Variants in MSRA observed in about 807,000 individuals in gnomAD.
The protein encoded by MSRA is methionine sulfoxide reductase A.
In MSRA, 54 loss-of-function variants were observed where a neutral mutation model predicts 31.3. The ratio of observed to expected loss-of-function variants is 1.73; its 90% CI spans 1.39 to 2.17. The LOEUF (loss-of-function observed/expected upper bound fraction) is 2.17. Ranked by LOEUF, MSRA falls within the 30% of genes most tolerant of loss-of-function variation. MSRA has a pLI of 0.00. For synonymous variants in MSRA, 169 were observed against 116.5 expected, an observed-to-expected ratio of 1.45 and a Z score of -2.90; for missense variants, 507 against 300.9, an observed-to-expected ratio of 1.69 and a Z score of -5.07.
chr8:10,327,881 T>C (rs1344577072), intron 5 of MSRA, among the ~76,000 whole-genome samples: 1 of 151,968 alleles, frequency 6.6e-6, no homozygotes, highest in Non-Finnish European at 1.5e-5. Context: ...TGCAGTGAGC[T>C]GAGATTGCGC....
At chr8:10,419,028 C>A (rs866414420) in intron 5 of MSRA, among the ~76,000 whole-genome samples, 2 of 152,134 alleles carry the variant, frequency 1.3e-5, no homozygotes, top group Non-Finnish European at 1.5e-5. Flanking sequence ...TACATACATA[C>A]GGCATCCTTG....
chr8:10,254,710 A>C (rs1798088284), intron 3 of MSRA, among the ~76,000 whole-genome samples: 1 of 152,242 alleles, frequency 6.6e-6, no homozygotes, highest in Admixed American at 6.5e-5. Flanking sequence ...ATTGAAAATA[A>C]AACAGGGTTT....
At chr8:10,218,184 T>C (rs1170984880) in intron 2 of MSRA, among the ~76,000 whole-genome samples, 1 of 151,762 alleles carries the variant, frequency 6.6e-6, no homozygotes, top group Non-Finnish European at 1.5e-5. Flanking sequence ...TCTCACTCTG[T>C]TGCCGAGGCT....
rs148977871 is a variant in MSRA, at chr8:10,397,717, C to G, written c.544-30431C>G. On this transcript the variant is annotated intron_variant, in intron 5 of 5. Transcript: ENST00000317173. ...ATTCATGCTCTCATGCTCTCAAATT[C>G]CATGTAAAAATATTTTGCGTGGAAC... is the stretch of plus-strand genomic sequence containing the variant. Among the ~76,000 whole-genome samples the G allele has an allele frequency of 5.0e-4, 76 of 152,314 alleles. 1 individual carries two copies. Among genetic ancestry groups the G allele is most frequent in the African/African-American group, 1.7e-3 (72 of 41,562 alleles).
At chr8:10,393,261 C>T (rs1322697174) in intron 5 of MSRA, among the ~76,000 whole-genome samples, 4 of 152,056 alleles carry the variant, frequency 2.6e-5, no homozygotes, top group Non-Finnish European at 5.9e-5. Context: ...GGATGCGGTG[C>T]CAGGGGGTTT....
chr8:10,150,685 A>G (rs1405747343), intron 1 of MSRA, among the ~76,000 whole-genome samples: 1 of 152,076 alleles, frequency 6.6e-6, no homozygotes, highest in Non-Finnish European at 1.5e-5. Flanking sequence ...CTGACTCGGT[A>G]ATTTGACTTA....
At chr8:10,170,170 G>A (rs1805476027) in intron 1 of MSRA, among the ~76,000 whole-genome samples, 2 of 151,330 alleles carry the variant, frequency 1.3e-5, no homozygotes, top group African/African-American at 4.9e-5. Flanking sequence ...ACAGACGTGA[G>A]CCACTGTGCC....
intron 3 of MSRA, among the ~76,000 whole-genome samples, chr8:10,247,937 C>A: frequency 6.6e-6 from 1 of 151,866 alleles, no homozygotes. Context: ...ATTATGGTAA[C>A]TAGCTAATTA....
chr8:10,159,293 T>C (rs1804437809), intron 1 of MSRA, among the ~76,000 whole-genome samples: 1 of 152,132 alleles, frequency 6.6e-6, no homozygotes, highest in South Asian at 2.1e-4. Flanking sequence ...GGGTGGGTAG[T>C]GGAGAGTGGT....
intron 2 of MSRA, among the ~76,000 whole-genome samples, chr8:10,240,615 T>G (rs1323379157): frequency 6.6e-6 from 1 of 152,208 alleles, no homozygotes; most frequent in African/African-American, 2.4e-5. Context: ...AGTCTTTGTG[T>G]TTCTGGCCTC....
chr8:10,151,101 A>AGG (rs1803624997), intron 1 of MSRA, among the ~76,000 whole-genome samples: 1 of 151,414 alleles, frequency 6.6e-6, no homozygotes, highest in South Asian at 2.1e-4. Flanking sequence ...AGGTTAGGGG[A>AGG]GGGAGGATCC....
chr8:10,098,947 GT>G (rs1357364940), intron 1 of MSRA, among the ~76,000 whole-genome samples: 1 of 152,126 alleles, frequency 6.6e-6, no homozygotes, highest in Non-Finnish European at 1.5e-5. Context: ...TCTTTCCTTT[GT>G]TTTCTGTTGT....
intron 5 of MSRA, among the ~76,000 whole-genome samples, chr8:10,323,786 CTGTCTGCA>C (rs1299814633): frequency 4.5e-5 from 4 of 87,964 alleles, no homozygotes; most frequent in Non-Finnish European, 8.0e-5. Context: ...CTGTGTCTGT[CTGTCTGCA>C]TGTCTGCATG....
chr8:10,152,890 G>A (rs1447353829), intron 1 of MSRA, among the ~76,000 whole-genome samples: 2 of 152,172 alleles, frequency 1.3e-5, no homozygotes, highest in East Asian at 3.8e-4. Flanking sequence ...GATGCTATGA[G>A]AAATCAGCCA....
At chr8:10,122,631 C>G (rs1038269524) in intron 1 of MSRA, among the ~76,000 whole-genome samples, 1 of 151,766 alleles carries the variant, frequency 6.6e-6, no homozygotes, top group Non-Finnish European at 1.5e-5. Context: ...TTTTGTCACC[C>G]GGATACCAAG....
At chr8:10,368,890 A>G (rs1805317885) in intron 5 of MSRA, among the ~76,000 whole-genome samples, 1 of 152,142 alleles carries the variant, frequency 6.6e-6, no homozygotes, top group Admixed American at 6.5e-5. Context: ...TAACAGCCAG[A>G]AAACCAAGCA....
At chr8:10,324,681 C>T (rs1360390534) in intron 5 of MSRA, among the ~76,000 whole-genome samples, 2 of 152,144 alleles carry the variant, frequency 1.3e-5, no homozygotes, top group Non-Finnish European at 2.9e-5. Flanking sequence ...AGAGCCCAAG[C>T]CAGAGGCTTG....
intron 5 of MSRA, among the ~76,000 whole-genome samples, chr8:10,359,911 A>G (rs1804743400): frequency 6.6e-6 from 1 of 152,194 alleles, no homozygotes; most frequent in South Asian, 2.1e-4. Context: ...CCACAGTGTT[A>G]AAACTGTGCA....
At chr8:10,069,783 C>G (rs948549009) in intron 1 of MSRA, among the ~76,000 whole-genome samples, 3 of 152,294 alleles carry the variant, frequency 2.0e-5, no homozygotes, top group Admixed American at 2.0e-4. Context: ...TTGGAGGGGA[C>G]ACATTCAAAC....
Sources: gnomAD v4.1 joint callset for allele counts (sites outside exome capture counted in the v4.1 genomes callset) on GRCh38, gnomAD v4.1.1 for gene constraint, MANE v1.5 for transcripts, NCBI Gene and HGNC (gene_info 2026-07-23, HGNC 2026-07-21) for gene names.